Variants in ANKFN1 observed in about 807,000 individuals in gnomAD.
ANKFN1 encodes the protein ankyrin repeat and fibronectin type-III domain-containing protein 1.
In ANKFN1, 74 loss-of-function variants were observed where a neutral mutation model predicts 108.7. The observed-to-expected ratio is 0.68, with a 90% confidence interval of 0.56 to 0.83. The LOEUF is 0.83. ANKFN1 is among the 40% of genes least tolerant of loss of function. ANKFN1 has a pLI of 0.00. For synonymous variants in ANKFN1, 547 were observed against 516.2 expected (o/e 1.06, Z -0.81); for missense variants, 1,505 against 1,382.3 (o/e 1.09, Z -1.41).
chr17:56,185,044 C>CT (rs1343498828), intron 1 of ANKFN1: 1 of 152,186 alleles, frequency 6.6e-6, no homozygotes. Context: ...GTGAATTTGT[C>CT]TTTTTTGTGG....
rs1422505822 is a variant in ANKFN1, at chr17:56,513,267, A to C, written c.*1998A>C. ...GATCATCTACCTACTTCTGATTTCA[A>C]ATTCAACCTTTACCTAACAAGTTTC... is the stretch of plus-strand genomic sequence containing the variant. On this transcript the variant is annotated 3_prime_UTR_variant, in exon 21 of 21. Coordinates refer to ENST00000682825, the MANE Select transcript of ANKFN1 (RefSeq NM_001370326.1). Among the ~76,000 whole-genome samples the C allele has an allele frequency of 6.6e-6, 1 of 152,206 alleles. No individual in the cohort carries two copies. Among genetic ancestry groups the C allele is most frequent in the African/African-American group, 2.4e-5 (1 of 41,464 alleles).
chr17:56,328,068 G>A (rs1251934194), intron 4 of ANKFN1, among the ~76,000 whole-genome samples: 1 of 151,992 alleles, frequency 6.6e-6, no homozygotes, highest in Admixed American at 6.6e-5. Context: ...AAATAAATAG[G>A]TCATGTAAAT....
intron 1 of ANKFN1, among the ~76,000 whole-genome samples, chr17:56,202,579 TC>T (rs1376414624): frequency 1.3e-5 from 2 of 152,016 alleles, no homozygotes; most frequent in East Asian, 3.9e-4. Context: ...CTGTTCCATT[TC>T]CCCCCTCCAC....
intron 18 of ANKFN1, among the ~76,000 whole-genome samples, chr17:56,491,385 G>A (rs2051033613): frequency 6.6e-6 from 1 of 152,164 alleles, no homozygotes; most frequent in Non-Finnish European, 1.5e-5. Context: ...AGAATCCAAA[G>A]TTACGGTATA....
At chr17:56,466,786 T>C (rs1308595157) in intron 15 of ANKFN1, among the ~76,000 whole-genome samples, 2 of 152,156 alleles carry the variant, frequency 1.3e-5, no homozygotes, top group African/African-American at 4.8e-5. Flanking sequence ...TAATAAAGCA[T>C]TTTCATGCCC....
rs200699725 is a variant in ANKFN1, at chr17:56,372,764, G to A, written c.720G>A (p.Glu240=). The A allele has an allele frequency of 1.3e-5, 21 of 1,614,034 alleles. No individual in the cohort carries two copies. The East Asian group carries it at 3.8e-4, about 29-fold the overall frequency. Residue 240 remains glutamate (E), a synonymous_variant, in exon 7 of 21, where the codon GAG becomes GAA. Coordinates refer to ENST00000682825, the MANE Select transcript of ANKFN1 (RefSeq NM_001370326.1). ...AAGGATTCACTCTGGACAACACAGAGAAAGAGAAGCAGCTGAAAGCTTGGG... is the reference window on the plus strand; with the variant it reads ...AAGGATTCACTCTGGACAACACAGAAAAAGAGAAGCAGCTGAAAGCTTGGG... ...ENEGFTLDNT[E]KEKQLKAWEW...
At chr17:56,073,270 G>A (rs1024083599) in intron 4 of ANKFN1, among the ~76,000 whole-genome samples, 10 of 152,210 alleles carry the variant, frequency 6.6e-5, no homozygotes, top group Middle Eastern at 3.2e-3. Flanking sequence ...GGGATTATAG[G>A]CGTGAGCCAC....
At chr17:56,151,952 C>T (rs1908649946), upstream of ANKFN1, among the ~76,000 whole-genome samples, 1 of 151,448 alleles carries the variant, frequency 6.6e-6, no homozygotes, top group African/African-American at 2.4e-5. Flanking sequence ...ATGTATCATG[C>T]ACTTCCTATG....
At chr17:56,438,650 C>A (rs931871254) in intron 8 of ANKFN1, among the ~76,000 whole-genome samples, 3 of 152,048 alleles carry the variant, frequency 2.0e-5, no homozygotes, top group Non-Finnish European at 4.4e-5. Flanking sequence ...ATCTTGAACC[C>A]CCGGGCTTAA....
At position 56,505,247 on chromosome 17, in the gene ANKFN1, G is replaced by A. The variant is rs113397598; in HGVS notation, c.2645-5226G>A. On this transcript the variant is annotated intron_variant, in intron 20 of 20. Transcript: ENST00000682825. ...AGTAAATTAGATCCTTTCAGGATGC[G>A]TTGCTTTTAGTATTATTTCTAAGAG... is the stretch of plus-strand genomic sequence containing the variant. Among the ~76,000 whole-genome samples the A allele has an allele frequency of 4.1e-3, 631 of 152,298 alleles. 2 individuals carry two copies. Among genetic ancestry groups the A allele is most frequent in the Non-Finnish European group, 6.6e-3 (452 of 68,032 alleles).
intron 3 of ANKFN1, among the ~76,000 whole-genome samples, chr17:56,310,503 G>C (rs1190049085): frequency 6.6e-6 from 1 of 152,000 alleles, no homozygotes; most frequent in Non-Finnish European, 1.5e-5. Context: ...TGTAGTCCCA[G>C]CTACTCAGGA....
intron 8 of ANKFN1, among the ~76,000 whole-genome samples, chr17:56,400,689 A>G (rs900549419): frequency 3.9e-5 from 6 of 152,278 alleles, no homozygotes; most frequent in South Asian, 2.1e-4. Flanking sequence ...GATTTTTCCA[A>G]TTTAATCTTC....
intron 3 of ANKFN1, among the ~76,000 whole-genome samples, chr17:56,249,150 A>G (rs554205976): frequency 1.3e-5 from 2 of 152,278 alleles, no homozygotes; most frequent in South Asian, 4.1e-4. Flanking sequence ...TTGTTGAAAG[A>G]CATAAAAGAA....
At chr17:56,466,711 C>A in intron 15 of ANKFN1, 140 bp downstream of exon 15, 1 of 699,810 alleles carries the variant, frequency 1.4e-6, no homozygotes, top group Non-Finnish European at 2.3e-6. Flanking sequence ...GTTGCAAATG[C>A]AGAAGCTTAT....
intron 10 of ANKFN1, among the ~76,000 whole-genome samples, chr17:56,447,661 A>G (rs1343513312): frequency 6.6e-6 from 1 of 152,218 alleles, no homozygotes; most frequent in Non-Finnish European, 1.5e-5. Context: ...ATCAGCTGAT[A>G]GGGTAAGAAA....
intron 2 of ANKFN1, among the ~76,000 whole-genome samples, chr17:56,220,720 C>T (rs371144002): frequency 1.0e-4 from 13 of 129,126 alleles, no homozygotes; most frequent in Non-Finnish European, 4.8e-5. Flanking sequence ...GAAAGGGAAA[C>T]GGAAAAGGAA....
At chr17:56,264,440 C>A (rs531386936) in intron 3 of ANKFN1, among the ~76,000 whole-genome samples, 1 of 152,328 alleles carries the variant, frequency 6.6e-6, no homozygotes, top group East Asian at 1.9e-4. Context: ...TATTTTTCAG[C>A]AGCTCTGGTT....
chr17:56,175,506 T>C (rs796896891), intron 1 of ANKFN1, among the ~76,000 whole-genome samples: 2 of 152,156 alleles, frequency 1.3e-5, no homozygotes, highest in South Asian at 4.1e-4. Flanking sequence ...GAATTTCCTA[T>C]ACACATTGCA....
chr17:56,272,971 C>A (rs1479901816), intron 3 of ANKFN1, among the ~76,000 whole-genome samples: 2 of 152,100 alleles, frequency 1.3e-5, no homozygotes, highest in Non-Finnish European at 2.9e-5. Context: ...CTGAATTGGG[C>A]CCCTGATTCA....
Sources: allele counts gnomAD v4.1 joint callset (sites outside exome capture counted in the v4.1 genomes callset), GRCh38; gene constraint gnomAD v4.1.1; transcripts MANE v1.5; gene names NCBI Gene and HGNC (gene_info 2026-07-23, HGNC 2026-07-21).